Variants in C7orf78 observed in about 807,000 individuals in gnomAD.
C7orf78 encodes the protein putative uncharacterized protein C7orf78.
At chr7:12,536,303 A>T in the C7orf78 span, among the ~76,000 whole-genome samples, 1 of 152,120 alleles carries the variant, frequency 6.6e-6, no homozygotes, top group Non-Finnish European at 1.5e-5. Flanking sequence ...CACCATGTGG[A>T]AGTTGCCAAG....
At chr7:12,513,647 A>T in the C7orf78 span, among the ~76,000 whole-genome samples, 1 of 152,272 alleles carries the variant, frequency 6.6e-6, no homozygotes, top group East Asian at 1.9e-4. Flanking sequence ...TTGTTATGAC[A>T]TCTTTTGTGG....
chr7:12,523,359 T>A, the C7orf78 span: 5 of 398,302 alleles, frequency 1.3e-5, no homozygotes, highest in Non-Finnish European at 2.2e-5. Context: ...GCAAAGTTAA[T>A]GTTTGTGAAG....
chr7:12,527,712 T>C, the C7orf78 span, among the ~76,000 whole-genome samples: 1 of 146,584 alleles, frequency 6.8e-6, no homozygotes, highest in Admixed American at 6.8e-5. Flanking sequence ...AGCTGTGTAA[T>C]TGAAATGGAA....
the C7orf78 span, among the ~76,000 whole-genome samples, chr7:12,488,228 C>G: frequency 7.2e-3 from 1,097 of 152,144 alleles, 9 homozygotes; most frequent in Non-Finnish European, 8.2e-3. Flanking sequence ...TGAAAACCAT[C>G]TATCTTCATT....
chr7:12,515,472 T>G, the C7orf78 span, among the ~76,000 whole-genome samples: 1 of 152,152 alleles, frequency 6.6e-6, no homozygotes, highest in African/African-American at 2.4e-5. Flanking sequence ...AGTGTGAAAA[T>G]GGACCAATAC....
At chr7:12,487,483 C>T in the C7orf78 span, among the ~76,000 whole-genome samples, 1 of 152,030 alleles carries the variant, frequency 6.6e-6, no homozygotes, top group East Asian at 1.9e-4. Context: ...AATGTGTGAC[C>T]AGGGTGTCTT....
At chr7:12,484,847 C>T in the C7orf78 span, among the ~76,000 whole-genome samples, 2 of 115,130 alleles carry the variant, frequency 1.7e-5, no homozygotes, top group African/African-American at 3.3e-5. Context: ...TACTCAGTTG[C>T]AATAATTTTT....
the C7orf78 span, among the ~76,000 whole-genome samples, chr7:12,494,901 T>C: frequency 6.6e-6 from 1 of 151,966 alleles, no homozygotes; most frequent in Admixed American, 6.6e-5. Context: ...TTCACACAGG[T>C]CCCCAAAGTC....
chr7:12,493,800 C>T, the C7orf78 span, among the ~76,000 whole-genome samples: 1 of 152,158 alleles, frequency 6.6e-6, no homozygotes, highest in African/African-American at 2.4e-5. Flanking sequence ...TATAAAATAC[C>T]TAGAACAGTG....
At chr7:12,526,493 T>C in the C7orf78 span, among the ~76,000 whole-genome samples, 2 of 152,130 alleles carry the variant, frequency 1.3e-5, no homozygotes, top group African/African-American at 4.8e-5. Context: ...ATTATAATTA[T>C]ATATAAATTA....
chr7:12,524,525 A>C, the C7orf78 span, among the ~76,000 whole-genome samples: 1 of 152,134 alleles, frequency 6.6e-6, no homozygotes. Flanking sequence ...AGGTCATTTA[A>C]ATATTAAATG....
At chr7:12,508,925 C>G in the C7orf78 span, among the ~76,000 whole-genome samples, 351 of 152,202 alleles carry the variant, frequency 2.3e-3, 3 homozygotes, top group African/African-American at 7.8e-3. Flanking sequence ...AAAACAAGCT[C>G]AAGGCTCCCA....
the C7orf78 span, chr7:12,528,913 C>A: frequency 2.5e-6 from 1 of 398,378 alleles, no homozygotes. Flanking sequence ...ACATGGGTAC[C>A]AGTTACCGAA....
the C7orf78 span, among the ~76,000 whole-genome samples, chr7:12,498,656 C>T: frequency 6.6e-6 from 1 of 152,156 alleles, no homozygotes; most frequent in Non-Finnish European, 1.5e-5. Flanking sequence ...TTGGAAAACA[C>T]TCTGCAGGAT....
chr7:12,488,327 G>C, the C7orf78 span, among the ~76,000 whole-genome samples: 1 of 151,978 alleles, frequency 6.6e-6, no homozygotes. Context: ...CTATATCTGA[G>C]AAAGAGCTCT....
the C7orf78 span, among the ~76,000 whole-genome samples, chr7:12,495,234 G>C: frequency 6.6e-6 from 1 of 152,150 alleles, no homozygotes; most frequent in Non-Finnish European, 1.5e-5. Context: ...TGTTACTCAT[G>C]AAAGTCTATT....
At chr7:12,507,469 C>A in the C7orf78 span, 1 of 205,958 alleles carries the variant, frequency 4.9e-6, no homozygotes. Context: ...CTGATGGATT[C>A]TACATTAGAT....
chr7:12,486,674 A>C, the C7orf78 span, among the ~76,000 whole-genome samples: 1 of 152,000 alleles, frequency 6.6e-6, no homozygotes, highest in Non-Finnish European at 1.5e-5. Flanking sequence ...TTTAGTCAAC[A>C]TTGTGGGCTC....
chr7:12,528,767 T>G, the C7orf78 span: 2 of 393,310 alleles, frequency 5.1e-6, no homozygotes, highest in East Asian at 3.6e-5. Flanking sequence ...AAAGTTTTGT[T>G]TAGATTTACA....
Sources: allele counts gnomAD v4.1 joint callset (sites outside exome capture counted in the v4.1 genomes callset), GRCh38; gene constraint gnomAD v4.1.1; transcripts MANE v1.5; gene names NCBI Gene and HGNC (gene_info 2026-07-23, HGNC 2026-07-21).